The following ERBB4 variants were observed in gnomAD, a reference collection of about 807,000 sequenced individuals.
The protein encoded by ERBB4 is erb-b2 receptor tyrosine kinase 4.
In ERBB4, 42 loss-of-function variants were observed where a neutral mutation model predicts 158.0. The ratio of observed to expected loss-of-function variants is 0.27; its 90% confidence interval spans 0.21 to 0.34. The LOEUF (loss-of-function observed/expected upper bound fraction) is 0.34, where lower values mean the gene tolerates loss of function less well. Ranked by LOEUF, ERBB4 falls within the 10% of genes least tolerant of loss-of-function variation. The pLI, the probability that ERBB4 is intolerant of heterozygous loss-of-function variation, is 1.00. For missense variants in ERBB4, 1,333 were observed against 1,624.1 expected (o/e 0.82, Z 3.08); for synonymous variants, 583 against 558.7 (o/e 1.04, Z -0.61).
intron 3 of ERBB4, among the ~76,000 whole-genome samples, chr2:211,905,659 T>TGA (rs1559632905): frequency 4.9e-5 from 6 of 121,384 alleles, no homozygotes; most frequent in African/African-American, 2.0e-4. Flanking sequence ...TATATATATA[T>TGA]ATATATATAT....
intron 5 of ERBB4, among the ~76,000 whole-genome samples, chr2:211,742,002 C>T (rs1386346965): frequency 6.6e-6 from 1 of 152,080 alleles, no homozygotes; most frequent in Admixed American, 6.6e-5. Flanking sequence ...ACAATATCTC[C>T]AGAAACCATA....
At chr2:211,761,292 A>G (rs954960103) in intron 4 of ERBB4, among the ~76,000 whole-genome samples, 3 of 152,006 alleles carry the variant, frequency 2.0e-5, no homozygotes, top group African/African-American at 7.2e-5. Context: ...TTCCTAACAT[A>G]CTATGACTGA....
chr2:212,144,591 A>G (rs2080600708), intron 1 of ERBB4, among the ~76,000 whole-genome samples: 2 of 152,156 alleles, frequency 1.3e-5, no homozygotes, highest in South Asian at 2.1e-4. Context: ...CAGTTACTCA[A>G]TTTACATTTC....
chr2:211,771,746 T>C (rs1575121655), intron 4 of ERBB4, among the ~76,000 whole-genome samples: 1 of 152,096 alleles, frequency 6.6e-6, no homozygotes, highest in East Asian at 1.9e-4. Context: ...TATTCAGCAT[T>C]TGCTCACAAG....
intron 25 of ERBB4, among the ~76,000 whole-genome samples, chr2:211,410,909 T>TTTTG (rs1415417341): frequency 1.3e-5 from 2 of 152,176 alleles, no homozygotes; most frequent in Non-Finnish European, 2.9e-5. Flanking sequence ...TTAAATTTAA[T>TTTTG]TTTGTTTTGT....
intron 2 of ERBB4, among the ~76,000 whole-genome samples, chr2:211,963,140 G>C (rs1575442773): frequency 6.6e-6 from 1 of 152,132 alleles, no homozygotes; most frequent in East Asian, 1.9e-4. Flanking sequence ...TCTCAACTGG[G>C]GTGTTTTGCT....
At chr2:211,871,521 A>G (rs986736567) in intron 3 of ERBB4, among the ~76,000 whole-genome samples, 2 of 150,600 alleles carry the variant, frequency 1.3e-5, no homozygotes, top group Non-Finnish European at 3.0e-5. Context: ...AAAAAAAAAA[A>G]CCCTCTAGTC....
At chr2:211,428,004 A>G (rs2063667164) in intron 22 of ERBB4, among the ~76,000 whole-genome samples, 2 of 151,512 alleles carry the variant, frequency 1.3e-5, no homozygotes. Context: ...TTGCTCTTCA[A>G]TGGGAACACA....
chr2:211,977,871 A>T (rs2081661892), intron 2 of ERBB4, among the ~76,000 whole-genome samples: 2 of 151,046 alleles, frequency 1.3e-5, no homozygotes, highest in Admixed American at 6.6e-5. Context: ...AAAAAAAAAA[A>T]AAGCAACTTG....
intron 1 of ERBB4, among the ~76,000 whole-genome samples, chr2:212,491,581 T>A (rs1329041831): frequency 6.6e-6 from 1 of 151,616 alleles, no homozygotes; most frequent in Non-Finnish European, 1.5e-5. Context: ...ATAATTTCAG[T>A]GGAACATTTA....
intron 20 of ERBB4, among the ~76,000 whole-genome samples, chr2:211,493,814 C>A (rs2065405102): frequency 6.6e-6 from 1 of 152,078 alleles, no homozygotes; most frequent in African/African-American, 2.4e-5. Context: ...ACATGCTTCC[C>A]TAACTCCATT....
Position 212,534,649 on chromosome 2 carries a change from G to A in ERBB4, c.82+3800C>T, listed in dbSNP as rs7586778. On this transcript the variant is annotated intron_variant, in intron 1 of 27. Coordinates refer to ENST00000342788, the MANE Select transcript of ERBB4 (RefSeq NM_005235.3). Reference sequence around the variant, plus strand: ...AAACAAAAACAATATACTTAGTGGCGGAAGGGAAAATATATATTAACACAT... The same window carrying A: ...AAACAAAAACAATATACTTAGTGGCAGAAGGGAAAATATATATTAACACAT... 4.5e-3 allele frequency among the ~76,000 whole-genome samples: 680 copies of A among 152,130 alleles called. 3 individuals are homozygous for A. The highest frequency in any genetic ancestry group is 0.016 in the African/African-American group (649 of 41,496).
intron 20 of ERBB4, among the ~76,000 whole-genome samples, chr2:211,526,852 A>T (rs2066362107): frequency 6.6e-6 from 1 of 152,132 alleles, no homozygotes; most frequent in Non-Finnish European, 1.5e-5. Flanking sequence ...AGCAGAAAAA[A>T]GAATTAGTGA....
chr2:212,091,202 A>G (rs1374626259), intron 2 of ERBB4, among the ~76,000 whole-genome samples: 1 of 6,162 alleles, frequency 1.6e-4, no homozygotes, highest in African/African-American at 1.8e-4. Context: ...GAGACAGGTA[A>G]AAAAAAAAAA....
At chr2:211,860,214 T>A (rs544981737) in intron 3 of ERBB4, among the ~76,000 whole-genome samples, 13 of 152,282 alleles carry the variant, frequency 8.5e-5, no homozygotes, top group Non-Finnish European at 1.2e-4. Context: ...ATACTGGACA[T>A]AGAGAAACAA....
intron 20 of ERBB4, among the ~76,000 whole-genome samples, chr2:211,560,171 G>A (rs974663988): frequency 4.1e-5 from 6 of 146,064 alleles, no homozygotes; most frequent in African/African-American, 1.5e-4. Flanking sequence ...TCATATAAAT[G>A]ATATATTAAT....
In ERBB4 at chr2:212,384,920, T is replaced by TATATATATATATAC. The variant is rs764463489; in HGVS notation, c.82+153528_82+153529insGTATATATATATAT. ...ATATATATATATATATATATATATA[T>TATATATATATATAC]ACACACACACACACACTCACACACA... On this transcript the variant is annotated intron_variant, in intron 1 of 27. Coordinates refer to ENST00000342788, the MANE Select transcript of ERBB4 (RefSeq NM_005235.3). Among the ~76,000 whole-genome samples the TATATATATATATAC allele has an allele frequency of 3.8e-3, 471 of 123,642 alleles. 2 individuals are homozygous for TATATATATATATAC. Among genetic ancestry groups the TATATATATATATAC allele is most frequent in the South Asian group, 6.0e-3 (22 of 3,694 alleles). The allele number at this position is 123,642 out of a possible 152,430, so 81.1% of individuals were successfully genotyped here.
At chr2:211,879,329 G>T (rs1371263447) in intron 3 of ERBB4, among the ~76,000 whole-genome samples, 3 of 152,106 alleles carry the variant, frequency 2.0e-5, no homozygotes, top group Non-Finnish European at 4.4e-5. Context: ...GAAAATTGAT[G>T]AATACCATAT....
intron 1 of ERBB4, among the ~76,000 whole-genome samples, chr2:212,491,838 A>C (rs1690295339): frequency 6.6e-6 from 1 of 151,702 alleles, no homozygotes; most frequent in Admixed American, 6.6e-5. Context: ...GACATTCCAA[A>C]GATCACATAA....
Sources: gnomAD v4.1 joint callset for allele counts (sites outside exome capture counted in the v4.1 genomes callset) on GRCh38, gnomAD v4.1.1 for gene constraint, MANE v1.5 for transcripts, NCBI Gene and HGNC (gene_info 2026-07-23, HGNC 2026-07-21) for gene names.